Variants in CEP112 observed in about 807,000 individuals in gnomAD.
The protein encoded by CEP112 is centrosomal protein of 112 kDa.
In CEP112, 127 loss-of-function variants were observed where a neutral mutation model predicts 153.0. The ratio of observed to expected loss-of-function variants is 0.83; its 90% CI spans 0.72 to 0.96. The LOEUF is 0.96. CEP112 is among the 40% of genes least tolerant of loss of function. The pLI, the probability that CEP112 is intolerant of heterozygous loss-of-function variation, is 0.00. For synonymous variants in CEP112, 358 were observed against 374.4 expected, an observed-to-expected ratio of 0.96 and a Z score of 0.51; for missense variants, 1,089 against 1,101.2, an observed-to-expected ratio of 0.99 and a Z score of 0.16.
intron 10 of CEP112, among the ~76,000 whole-genome samples, chr17:66,063,663 T>C (rs899466562): frequency 3.3e-5 from 5 of 152,118 alleles, no homozygotes; most frequent in African/African-American, 1.2e-4. Context: ...AAAATTTAAA[T>C]AAGTAAAGAG....
intron 19 of CEP112, among the ~76,000 whole-genome samples, chr17:65,927,052 A>C (rs2060951715): frequency 6.6e-6 from 1 of 152,220 alleles, no homozygotes; most frequent in Admixed American, 6.5e-5. Context: ...CGGATCCGTC[A>C]TGAATGGCTT....
At chr17:65,924,082 T>C (rs1225252998) in intron 19 of CEP112, among the ~76,000 whole-genome samples, 2 of 152,128 alleles carry the variant, frequency 1.3e-5, no homozygotes, top group African/African-American at 2.4e-5. Context: ...GTTCACACCA[T>C]TCTCCTGCCT....
chr17:66,184,253 T>C lies in CEP112; in HGVS notation c.-8-946A>G, dbSNP rs1417954110. Among the ~76,000 whole-genome samples, 3 of 152,034 alleles carry C rather than the reference T, an allele frequency of 2.0e-5. No homozygotes were observed. In the East Asian group the frequency reaches 5.8e-4, roughly 29 times the overall value. On this transcript the variant is annotated intron_variant, in intron 1 of 26. Coordinates refer to ENST00000535342, the MANE Select transcript of CEP112 (RefSeq NM_001199165.4). ...TAGCCTCGGTGACAGAGCAAGACCC[T>C]ATCTCAAAAATAAAAAAGAAAGCTG...
At chr17:66,051,673 T>C (rs2066448025) in intron 12 of CEP112, among the ~76,000 whole-genome samples, 1 of 152,168 alleles carries the variant, frequency 6.6e-6, no homozygotes, top group Non-Finnish European at 1.5e-5. Context: ...CTAAGATATA[T>C]GTGTCATACG....
chr17:65,847,564 G>A (rs2057773459), intron 21 of CEP112, among the ~76,000 whole-genome samples: 1 of 152,144 alleles, frequency 6.6e-6, no homozygotes, highest in African/African-American at 2.4e-5. Flanking sequence ...CATTGGTGAA[G>A]GTCATGCCTC....
At chr17:66,049,945 A>G (rs1438750654) in intron 12 of CEP112, among the ~76,000 whole-genome samples, 2 of 152,156 alleles carry the variant, frequency 1.3e-5, no homozygotes, top group Non-Finnish European at 2.9e-5. Flanking sequence ...ATAGCATAAG[A>G]CCTAAGAGGT....
chr17:65,653,115 G>C (rs763654944), intron 24 of CEP112, among the ~76,000 whole-genome samples: 3 of 152,098 alleles, frequency 2.0e-5, no homozygotes, highest in Non-Finnish European at 2.9e-5. Context: ...GGCCACCTCC[G>C]AATACCATCA....
intron 6 of CEP112, among the ~76,000 whole-genome samples, chr17:66,121,636 C>A (rs2069595298): frequency 6.6e-6 from 1 of 152,050 alleles, no homozygotes; most frequent in Admixed American, 6.6e-5. Context: ...TATTGCTGAG[C>A]CCCTATGGTG....
chr17:65,908,853 C>T (rs756483133), intron 19 of CEP112, among the ~76,000 whole-genome samples: 3 of 152,196 alleles, frequency 2.0e-5, no homozygotes, highest in Admixed American at 6.5e-5. Flanking sequence ...TTGATGATGA[C>T]GTCTTCATTC....
intron 5 of CEP112, among the ~76,000 whole-genome samples, chr17:66,130,775 CA>C (rs539232836): frequency 0.024 from 2,025 of 86,024 alleles, 17 homozygotes; most frequent in Non-Finnish European, 0.032. Context: ...GACTCCGTCT[CA>C]AAAAAAAAAA....
At chr17:65,961,381 G>A in intron 18 of CEP112, 82 bp downstream of exon 18, 2 of 1,333,016 alleles carry the variant, frequency 1.5e-6, no homozygotes, top group South Asian at 1.6e-5. Context: ...AAAGTGAAAT[G>A]TTTCTGTCAT....
chr17:65,842,691 G>A (rs899390716), intron 21 of CEP112, among the ~76,000 whole-genome samples: 5 of 152,062 alleles, frequency 3.3e-5, no homozygotes, highest in African/African-American at 7.2e-5. Flanking sequence ...ACTGTGATAC[G>A]AGTGCCTCAC....
chr17:66,186,711 T>C (rs911398452), intron 1 of CEP112, among the ~76,000 whole-genome samples: 5 of 152,226 alleles, frequency 3.3e-5, no homozygotes, highest in African/African-American at 1.2e-4. Context: ...AAAATGGCAC[T>C]GCCTTATAGT....
intron 22 of CEP112, among the ~76,000 whole-genome samples, chr17:65,747,555 G>C (rs935197228): frequency 6.6e-6 from 1 of 152,132 alleles, no homozygotes; most frequent in Non-Finnish European, 1.5e-5. Flanking sequence ...AAGAGGCAAG[G>C]TTAATACATA....
chr17:66,105,626 T>C (rs2068750065), intron 6 of CEP112, among the ~76,000 whole-genome samples: 1 of 152,112 alleles, frequency 6.6e-6, no homozygotes, highest in South Asian at 2.1e-4. Context: ...AAACCCCGTC[T>C]TCACAAAAAT....
In CEP112 at chr17:66,038,110, A is replaced by AAAAAAAAGAAAG. The variant is rs71293591; in HGVS notation, c.1219-8088_1219-8087insCTTTCTTTTTTT. On this transcript the variant is annotated intron_variant, in intron 12 of 26. Transcript: ENST00000535342. ...AGCAAGACTCTGTCTCAAAAAAAAA[A>AAAAAAAAGAAAG]AAAAGAAAAGAAAAGAAAAGAAAAA... Among the ~76,000 whole-genome samples the AAAAAAAAGAAAG allele has an allele frequency of 1.3e-4, 16 of 120,660 alleles. 1 individual carries two copies. Among genetic ancestry groups the AAAAAAAAGAAAG allele is most frequent in the Admixed American group, 2.4e-4 (3 of 12,292 alleles). 79.2% of individuals were successfully genotyped at this position (120,660 alleles called of 152,430 possible).
At chr17:65,664,467 G>A (rs1194867579) in intron 24 of CEP112, among the ~76,000 whole-genome samples, 1 of 152,238 alleles carries the variant, frequency 6.6e-6, no homozygotes, top group Non-Finnish European at 1.5e-5. Flanking sequence ...ATAACATGAT[G>A]ACAATGGTAT....
At chr17:66,114,985 A>G (rs1432548379) in intron 6 of CEP112, among the ~76,000 whole-genome samples, 4 of 152,090 alleles carry the variant, frequency 2.6e-5, no homozygotes, top group Non-Finnish European at 4.4e-5. Context: ...CAGATGGATC[A>G]CCTGAGGTCA....
intron 6 of CEP112, among the ~76,000 whole-genome samples, chr17:66,125,090 C>T (rs1030797481): frequency 6.6e-6 from 1 of 151,910 alleles, no homozygotes; most frequent in Non-Finnish European, 1.5e-5. Flanking sequence ...AAAATAAGTG[C>T]TGATATTTTA....
Sources: gnomAD v4.1 joint callset for allele counts (sites outside exome capture counted in the v4.1 genomes callset) on GRCh38, gnomAD v4.1.1 for gene constraint, MANE v1.5 for transcripts, NCBI Gene and HGNC (gene_info 2026-07-23, HGNC 2026-07-21) for gene names.